The following DNAAF4 variants were observed in gnomAD, a reference collection of about 807,000 sequenced individuals.
DNAAF4 encodes dynein assembly factor 4, axonemal.
A neutral mutation model predicts 51.8 loss-of-function variants in DNAAF4; 43 were observed. The ratio of observed to expected loss-of-function variants is 0.83; its 90% CI spans 0.65 to 1.07. The LOEUF (loss-of-function observed/expected upper bound fraction) is 1.07, where lower values mean the gene tolerates loss of function less well. Among genes scored for constraint, DNAAF4 ranks in the 50% least tolerant of loss-of-function variants. DNAAF4 has a pLI of 0.00. For missense variants in DNAAF4, 581 were observed against 493.0 expected, an observed-to-expected ratio of 1.18 and a Z score of -1.69; for synonymous variants, 194 against 165.6, an observed-to-expected ratio of 1.17 and a Z score of -1.32.
intron 7 of DNAAF4, among the ~76,000 whole-genome samples, chr15:55,421,830 G>A (rs1295988943): frequency 1.1e-4 from 17 of 150,830 alleles, no homozygotes; most frequent in Non-Finnish European, 2.1e-4. Context: ...CGGAGGTTGC[G>A]GTGAGCCGAT....
At chr15:55,495,489 G>C (rs551518213) in intron 3 of DNAAF4, among the ~76,000 whole-genome samples, 1 of 152,144 alleles carries the variant, frequency 6.6e-6, no homozygotes, top group Non-Finnish European at 1.5e-5. Flanking sequence ...TGAAATCCCA[G>C]CATTTGGGAG....
At chr15:55,433,398 G>A (rs1235338280) in intron 8 of DNAAF4, among the ~76,000 whole-genome samples, 2 of 152,084 alleles carry the variant, frequency 1.3e-5, no homozygotes, top group Non-Finnish European at 1.5e-5. Context: ...AGGCCCAGGC[G>A]GGCGGATTAC....
intron 7 of DNAAF4, among the ~76,000 whole-genome samples, chr15:55,423,168 GT>G (rs71105878): frequency 2.6e-4 from 38 of 146,110 alleles, no homozygotes; most frequent in African/African-American, 8.8e-4. Context: ...AGAGCCAAAA[GT>G]TTTTTTTTTT....
At chr15:55,483,201 A>G (rs1199019161) in intron 4 of DNAAF4, among the ~76,000 whole-genome samples, 1 of 152,016 alleles carries the variant, frequency 6.6e-6, no homozygotes, top group East Asian at 1.9e-4. Context: ...GGTTCAAGCA[A>G]TTCTCCTGCC....
chr15:55,503,132 G>A (rs144365139), intron 1 of DNAAF4, among the ~76,000 whole-genome samples: 6,079 of 151,496 alleles, frequency 0.04, 404 homozygotes, highest in African/African-American at 0.14. Context: ...TACCATCAGA[G>A]AATACTATAA....
intron 6 of DNAAF4, 73 bp downstream of exon 6, chr15:55,450,149 C>A: frequency 7.0e-7 from 1 of 1,428,722 alleles, no homozygotes; most frequent in South Asian, 1.5e-5. Context: ...AGAACCAGTA[C>A]TAATTTCAAT....
At chr15:55,428,327 T>C (rs193184743), downstream of DNAAF4, among the ~76,000 whole-genome samples, 1 of 152,044 alleles carries the variant, frequency 6.6e-6, no homozygotes, top group Non-Finnish European at 1.5e-5. Context: ...AAGAAGGAGG[T>C]CGGCTTTGGG....
At chr15:55,428,779 G>A (rs1457838767), downstream of DNAAF4, among the ~76,000 whole-genome samples, 2 of 151,570 alleles carry the variant, frequency 1.3e-5, no homozygotes, top group African/African-American at 4.8e-5. Flanking sequence ...ACAGGCTTGA[G>A]CCACTGCGCC....
intron 6 of DNAAF4, among the ~76,000 whole-genome samples, chr15:55,444,109 G>C (rs1220256995): frequency 6.6e-6 from 1 of 151,980 alleles, no homozygotes; most frequent in East Asian, 1.9e-4. Flanking sequence ...TAGACATGAA[G>C]TCCTTGCCCA....
chr15:55,443,117 T>C (rs1339983449), intron 6 of DNAAF4: 1 of 1,610,490 alleles, frequency 6.2e-7, no homozygotes, highest in African/African-American at 1.3e-5. Context: ...GGTGTACGTT[T>C]ATATGAAGGC....
intron 4 of DNAAF4, among the ~76,000 whole-genome samples, chr15:55,471,400 G>A (rs752649306): frequency 6.6e-6 from 1 of 152,020 alleles, no homozygotes. Flanking sequence ...GATGAACCTA[G>A]CACCCCATCA....
chr15:55,420,429 ATTG>A (rs1473900216), intron 7 of DNAAF4, among the ~76,000 whole-genome samples: 3 of 151,856 alleles, frequency 2.0e-5, no homozygotes, highest in Non-Finnish European at 2.9e-5. Context: ...AAAAAAAATC[ATTG>A]TTATTTTCCC....
intron 3 of DNAAF4, chr15:55,495,164 A>T (rs967980899): frequency 6.7e-6 from 1 of 149,710 alleles, no homozygotes; most frequent in Non-Finnish European, 1.5e-5. Context: ...AAAAACAGGA[A>T]CCTGATTCTT....
chr15:55,478,686 T>C (rs931361409), intron 4 of DNAAF4, among the ~76,000 whole-genome samples: 20 of 152,210 alleles, frequency 1.3e-4, no homozygotes, highest in African/African-American at 4.3e-4. Context: ...TTAATGAACC[T>C]GCATGACATA....
Position 55,491,209 on chromosome 15 carries a change from C to T in DNAAF4, c.319G>A (p.Ala107Thr). The change falls in exon 4 of 10, where the codon GCA becomes ACA. Residue 107 changes from alanine to threonine, a missense_variant. Coordinates refer to ENST00000321149, the MANE Select transcript of DNAAF4 (RefSeq NM_130810.4). ...GTAGCTTCTTTTGCTCTCTCTTGTG[C>T]TTGTAAAATAGATTTTTCTCTAATT... is the stretch of plus-strand genomic sequence containing the variant. ...QRIREKSILQ[A>T]QERAKEATEA... The T allele has an allele frequency of 6.2e-7, 1 of 1,613,778 alleles. No individual in the cohort carries two copies. The highest frequency in any genetic ancestry group is 8.5e-7 in the Non-Finnish European group (1 of 1,179,944).
chr15:55,502,805 C>T (rs2058706568), intron 1 of DNAAF4, among the ~76,000 whole-genome samples: 1 of 151,994 alleles, frequency 6.6e-6, no homozygotes, highest in Non-Finnish European at 1.5e-5. Context: ...GCACTAAATG[C>T]CCACAAAAGA....
At chr15:55,433,068 G>A (rs1323293682) in intron 8 of DNAAF4, among the ~76,000 whole-genome samples, 1 of 152,142 alleles carries the variant, frequency 6.6e-6, no homozygotes, top group East Asian at 1.9e-4. Flanking sequence ...CGGAGGCTGA[G>A]GTGGGCAGAT....
At chr15:55,438,039 C>A (rs1381978583) in intron 7 of DNAAF4, among the ~76,000 whole-genome samples, 1 of 152,158 alleles carries the variant, frequency 6.6e-6, no homozygotes, top group African/African-American at 2.4e-5. Flanking sequence ...AATTGCCACT[C>A]AGAATATGCC....
chr15:55,460,470 G>A (rs879350580), intron 5 of DNAAF4, among the ~76,000 whole-genome samples: 7 of 152,064 alleles, frequency 4.6e-5, no homozygotes, highest in African/African-American at 9.6e-5. Context: ...ATGAGCCACC[G>A]CGCCCGGCCG....
Sources: allele counts gnomAD v4.1 joint callset (sites outside exome capture counted in the v4.1 genomes callset), GRCh38; gene constraint gnomAD v4.1.1; transcripts MANE v1.5; gene names NCBI Gene and HGNC (gene_info 2026-07-23, HGNC 2026-07-21).